The following ASIC4 variants were observed in gnomAD, a reference collection of about 807,000 sequenced individuals.
ASIC4 encodes the protein acid sensing ion channel subunit family member 4, also known as acid-sensing ion channel 4.
In ASIC4, 28 loss-of-function variants were observed where a neutral mutation model predicts 53.4. The ratio of observed to expected loss-of-function variants is 0.52; its 90% CI spans 0.39 to 0.72. The LOEUF (loss-of-function observed/expected upper bound fraction) is 0.72, where lower values mean the gene tolerates loss of function less well. ASIC4 is among the 30% of genes least tolerant of loss of function. The probability of loss-of-function intolerance (pLI) is 0.00; values close to 1 mark genes in which losing one functional copy is unlikely to be tolerated. For missense variants in ASIC4, 649 were observed against 729.7 expected (o/e 0.89, Z 1.27); for synonymous variants, 289 against 301.4 (o/e 0.96, Z 0.43).
chr2:219,524,561 T>C (rs1314809963), intron 1 of ASIC4, among the ~76,000 whole-genome samples: 5 of 152,264 alleles, frequency 3.3e-5, no homozygotes, highest in African/African-American at 1.2e-4. Flanking sequence ...TATTAGTGGT[T>C]GCTATGATTT....
Position 219,538,328 on chromosome 2 carries a change from G to T in ASIC4, c.*282G>T. On this transcript the variant is annotated 3_prime_UTR_variant, in exon 10 of 10. Transcript: ENST00000358078. The stretch of plus-strand genomic sequence containing the variant: ...GAAGGAGAGGGAGGGGGAGGATAGA[G>T]CCCATCCCAGCCGGGGAGGGGGAGC... The T allele has an allele frequency of 2.7e-6, 1 of 375,454 alleles. No homozygotes were observed. The highest frequency in any genetic ancestry group is 4.9e-6 in the Non-Finnish European group (1 of 206,164). 23.3% of individuals were successfully genotyped at this position (375,454 alleles called of 1,614,324 possible).
At chr2:219,511,200 G>A (rs1421293679), upstream of ASIC4, among the ~76,000 whole-genome samples, 1 of 152,158 alleles carries the variant, frequency 6.6e-6, no homozygotes, top group Non-Finnish European at 1.5e-5. The surrounding 1 kb of genome is among the most constrained non-coding windows in gnomAD (Gnocchi z 5.3). Flanking sequence ...GCCAGGCAAG[G>A]AATCTGGGCA....
chr2:219,507,746 T>C, the ASIC4 span, among the ~76,000 whole-genome samples: 2 of 152,064 alleles, frequency 1.3e-5, no homozygotes, highest in African/African-American at 4.8e-5. Flanking sequence ...AATCTGCTAA[T>C]TGAGAGGAAT....
intron 1 of ASIC4, among the ~76,000 whole-genome samples, chr2:219,522,906 G>A (rs1694910623): frequency 6.6e-6 from 1 of 152,114 alleles, no homozygotes; most frequent in Admixed American, 6.5e-5. Flanking sequence ...GAGGGCGCTC[G>A]GGAGCCGTGA....
chr2:219,528,469 C>T (rs1694991680), intron 1 of ASIC4, among the ~76,000 whole-genome samples: 1 of 152,076 alleles, frequency 6.6e-6, no homozygotes, highest in Non-Finnish European at 1.5e-5. Context: ...GTGATCTGCC[C>T]TCCTCAGCCT....
Position 219,538,478 on chromosome 2 carries a change from C to T in ASIC4, c.*432C>T. 4.7e-6 allele frequency: 1 copy of T among 211,470 alleles called. No individual in the cohort carries two copies. The highest frequency in any genetic ancestry group is 9.6e-6 in the Non-Finnish European group (1 of 103,664). The allele number at this position is 211,470 out of a possible 1,614,324, so 13.1% of individuals were successfully genotyped here. On this transcript the variant is annotated 3_prime_UTR_variant, in exon 10 of 10. Transcript: ENST00000358078. ...GCCAGGGTCCCAGCCCCAATGTCAG[C>T]AGGATAGGGAGAGCCCCAGGACTCA...
At chr2:219,519,338 A>G (rs1330058668) in intron 1 of ASIC4, among the ~76,000 whole-genome samples, 4 of 152,208 alleles carry the variant, frequency 2.6e-5, no homozygotes, top group Non-Finnish European at 5.9e-5. Flanking sequence ...GGCTATCTTT[A>G]ACCTGACTGT....
Position 219,537,699 on chromosome 2 carries a change from G to A in ASIC4, c.1469G>A (p.Gly490Asp), listed in dbSNP as rs1255336499. Residue 490 changes from glycine (G) to aspartate (D), a missense_variant, in exon 9 of 10, where the codon GGC becomes GAC. Coordinates refer to ENST00000358078, the MANE Select transcript of ASIC4 (RefSeq NM_018674.6). The surrounding 1 kb of genome is among the most constrained non-coding windows in gnomAD (Gnocchi z 4.9). ...PKTPLRTSTG[G>D]ISTLGLQELK... Reference sequence around the variant, plus strand: ...ACCCCCCTGCGGACCTCCACTGGGGGCATCTCCACTTTGGGGCTTCAGGAG... The same window carrying A: ...ACCCCCCTGCGGACCTCCACTGGGGACATCTCCACTTTGGGGCTTCAGGAG... The A allele has an allele frequency of 1.2e-6, 2 of 1,614,052 alleles. No individual in the cohort carries two copies. The highest frequency in any genetic ancestry group is 1.7e-6 in the Non-Finnish European group (2 of 1,179,950).
chr2:219,526,347 T>G (rs796705786), intron 1 of ASIC4, among the ~76,000 whole-genome samples: 8 of 151,706 alleles, frequency 5.3e-5, no homozygotes, highest in African/African-American at 1.9e-4. Context: ...TGGGTCAGGG[T>G]GGGGAGCCTC....
At position 219,537,953 on chromosome 2, in the gene ASIC4, C is replaced by T. The variant is rs1236316434; in HGVS notation, c.1527C>T (p.Gly509=). 1 of 1,610,890 alleles carries T rather than the reference C, an allele frequency of 6.2e-7. No homozygotes were observed. Among genetic ancestry groups the T allele is most frequent in the East Asian group, 2.2e-5 (1 of 44,838 alleles). ...TGCAGAGTCCCTGCCCGAGCCGGGG[C>T]CGAGTGGAGGGTGGGGGGGTCAGCA... ...LKEQSPCPSR[G]RVEGGGVSSL... The change falls in exon 10 of 10, where the codon GGC becomes GGT. Residue 509 remains glycine (G), a synonymous_variant. Transcript: ENST00000358078. This position sits in a 1 kb window ranked among gnomAD's most constrained non-coding sequence, Gnocchi z 4.9.
rs146729325 is a variant in ASIC4 at position 219,522,275 on chromosome 2, T to A, written c.582+6969T>A. ...AGGAGGAAAGATTAAAGGAGCTAAA[T>A]CCGTGGCGCTTGGCTCAGCGGTGAC... On this transcript the variant is annotated intron_variant, in intron 1 of 9. Coordinates refer to ENST00000358078, the MANE Select transcript of ASIC4 (RefSeq NM_018674.6). Among the ~76,000 whole-genome samples, 110 of 152,170 alleles carry A rather than the reference T, an allele frequency of 7.2e-4. 1 individual carries two copies. Among genetic ancestry groups the A allele is most frequent in the Non-Finnish European group, 7.6e-4 (52 of 68,010 alleles).
chr2:219,514,992 C>G lies in ASIC4; in HGVS notation c.268C>G (p.Arg90Gly), dbSNP rs575903196. The change falls in exon 1 of 10, where the codon CGG (arginine) becomes GGG (glycine). Residue 90 changes from arginine to glycine, a missense_variant. Transcript: ENST00000358078. ...AFLYQAAGLA[R>G]GYLTRPHLVA... ...CCTGTACCAGGCGGCTGGCCTGGCC[C>G]GGGGCTACCTGACCCGGCCTCACCT... The G allele has an allele frequency of 6.2e-7, 1 of 1,613,126 alleles. No homozygotes were observed. The highest frequency in any genetic ancestry group is 8.5e-7 in the Non-Finnish European group (1 of 1,179,792).
intron 1 of ASIC4, among the ~76,000 whole-genome samples, chr2:219,527,739 G>A (rs1694981873): frequency 6.6e-6 from 1 of 152,226 alleles, no homozygotes; most frequent in African/African-American, 2.4e-5. Flanking sequence ...GCTCATATGG[G>A]TTTCTTGGAG....
At position 219,537,589 on chromosome 2, in the gene ASIC4, A is replaced by T. The variant is rs185740795; in HGVS notation, c.1402-43A>T. The T allele has an allele frequency of 1.3e-5, 21 of 1,559,722 alleles. No homozygotes were observed. The highest frequency in any genetic ancestry group is 3.5e-4 in the Middle Eastern group (2 of 5,650). On this transcript the variant is annotated intron_variant, in intron 8 of 9. Coordinates refer to ENST00000358078, the MANE Select transcript of ASIC4 (RefSeq NM_018674.6). The surrounding 1 kb of genome is among the most constrained non-coding windows in gnomAD (Gnocchi z 4.9). ...GTAAGGCTCACGCTTCTCCTCAACCAAATTTCCTGAGCCCACTGCTGTCCC... is the reference window on the plus strand; with the variant it reads ...GTAAGGCTCACGCTTCTCCTCAACCTAATTTCCTGAGCCCACTGCTGTCCC...
Position 219,514,614 on chromosome 2 carries a change from A to G in ASIC4, c.-111A>G, listed in dbSNP as rs539238428. 3.6e-5 allele frequency: 58 copies of G among 1,606,130 alleles called. 1 individual carries two copies. The South Asian group carries it at 5.8e-4, about 16-fold the overall frequency. ...CCCTGTCCTCTTCCCGCTTGCCCTG[A>G]GTTTAGAAGAGCAGCCGCTGCCACC... On this transcript the variant is annotated 5_prime_UTR_variant, in exon 1 of 10. Coordinates refer to ENST00000358078, the MANE Select transcript of ASIC4 (RefSeq NM_018674.6).
Position 219,537,872 on chromosome 2 carries a change from G to A in ASIC4, c.1507-61G>A. On this transcript the variant is annotated intron_variant, in intron 9 of 9. Transcript: ENST00000358078. This position sits in a 1 kb window ranked among gnomAD's most constrained non-coding sequence, Gnocchi z 4.9. ...GGTGACAAGGAAAGGCTGGCGGTGT[G>A]AGCCCTGGGGGCACCACTTGAGCTC... 1.3e-6 allele frequency: 2 copies of A among 1,498,268 alleles called. No homozygotes were observed. Among genetic ancestry groups the A allele is most frequent in the South Asian group, 1.2e-5 (1 of 82,846 alleles). 92.8% of individuals were successfully genotyped at this position (1,498,268 alleles called of 1,614,324 possible).
At position 219,536,018 on chromosome 2, in the gene ASIC4, C is replaced by T. The variant is rs945789206; in HGVS notation, c.1229+694C>T. On this transcript the variant is annotated intron_variant, in intron 6 of 9. Transcript: ENST00000358078. This position sits in a 1 kb window ranked among gnomAD's most constrained non-coding sequence, Gnocchi z 4.6. ...AAACTCCTGACCTCAAGTGATCTGCCGTCCTTGGTCTCCCAAAGTGCTGGG... is the reference window on the plus strand; with the variant it reads ...AAACTCCTGACCTCAAGTGATCTGCTGTCCTTGGTCTCCCAAAGTGCTGGG... 5.3e-5 allele frequency among the ~76,000 whole-genome samples: 8 copies of T among 152,098 alleles called. No individual in the cohort carries two copies. The highest frequency in any genetic ancestry group is 2.0e-4 in the Admixed American group (3 of 15,274).
intron 5 of ASIC4, chr2:219,533,597 C>CG: frequency 6.3e-6 from 1 of 157,942 alleles, no homozygotes; most frequent in Admixed American, 6.0e-5. Context: ...GACACATTAG[C>CG]TGAGGCTTGA....
In ASIC4 at chr2:219,538,337, A is replaced by T; in HGVS notation, c.*291A>T. The T allele has an allele frequency of 4.6e-6, 1 of 218,490 alleles. No homozygotes were observed. The highest frequency in any genetic ancestry group is 8.7e-6 in the Non-Finnish European group (1 of 114,672). The allele number at this position is 218,490 out of a possible 1,614,324, so 13.5% of individuals were successfully genotyped here. A position where few individuals can be genotyped will look rare whatever the true frequency, so the allele number is the denominator to read the frequency against. ...GGAGGGGGAGGATAGAGCCCATCCCAGCCGGGGAGGGGGAGCCCTCTGTAC... is the reference window on the plus strand; with the variant it reads ...GGAGGGGGAGGATAGAGCCCATCCCTGCCGGGGAGGGGGAGCCCTCTGTAC... On this transcript the variant is annotated 3_prime_UTR_variant, in exon 10 of 10. Coordinates refer to ENST00000358078, the MANE Select transcript of ASIC4 (RefSeq NM_018674.6).
Sources: gnomAD v4.1 joint callset for allele counts (sites outside exome capture counted in the v4.1 genomes callset) on GRCh38, gnomAD v4.1.1 for gene constraint, Gnocchi (gnomAD v3.1) non-coding constraint, MANE v1.5 for transcripts, NCBI Gene and HGNC (gene_info 2026-07-23, HGNC 2026-07-21) for gene names.